The following REC114 variants were observed in gnomAD, a reference collection of about 807,000 sequenced individuals.
The protein encoded by REC114 is REC114 meiotic recombination protein.
A neutral mutation model predicts 31.3 loss-of-function variants in REC114; 27 were observed. The observed-to-expected ratio is 0.86, with a 90% CI of 0.64 to 1.19. The LOEUF (loss-of-function observed/expected upper bound fraction) is 1.19. Among genes scored for constraint, REC114 ranks in the 50% most tolerant of loss-of-function variants. The probability of loss-of-function intolerance (pLI) is 0.00; values close to 1 mark genes in which losing one functional copy is unlikely to be tolerated. For synonymous variants in REC114, 134 were observed against 127.7 expected, an observed-to-expected ratio of 1.05 and a Z score of -0.33; for missense variants, 344 against 326.9, an observed-to-expected ratio of 1.05 and a Z score of -0.40.
chr15:73,449,664 C>T lies in REC114; in HGVS notation c.159+6320C>T, dbSNP rs148662091. Among the ~76,000 whole-genome samples the T allele has an allele frequency of 2.7e-3, 418 of 152,138 alleles. 2 individuals carry two copies. Among genetic ancestry groups the T allele is most frequent in the African/African-American group, 9.5e-3 (394 of 41,510 alleles). ...CAGAGAACACCAGAAAGATACTCCT[C>T]GAGAAGGGCAACCCTAAGACATATA... On this transcript the variant is annotated intron_variant, in intron 1 of 5. Transcript: ENST00000331090.
chr15:73,555,342 G>A (rs376636075), intron 4 of REC114, among the ~76,000 whole-genome samples: 1 of 152,114 alleles, frequency 6.6e-6, no homozygotes, highest in Non-Finnish European at 1.5e-5. Context: ...GGTACCCAAG[G>A]CATATTGGGG....
chr15:73,540,609 T>C, intron 3 of REC114, 41 bp downstream of exon 3: 1 of 1,535,982 alleles, frequency 6.5e-7, no homozygotes, highest in Non-Finnish European at 9.0e-7. Flanking sequence ...TCATCTTCTA[T>C]GTGTGTATGT....
intron 1 of REC114, among the ~76,000 whole-genome samples, chr15:73,465,826 A>G (rs1254547467): frequency 6.6e-6 from 1 of 152,074 alleles, no homozygotes; most frequent in Non-Finnish European, 1.5e-5. Flanking sequence ...TATTTAGCCC[A>G]TTGTTTTTAT....
intron 4 of REC114, among the ~76,000 whole-genome samples, chr15:73,555,541 C>G (rs1162894112): frequency 6.6e-6 from 1 of 152,110 alleles, no homozygotes; most frequent in African/African-American, 2.4e-5. Context: ...GCATACAGCC[C>G]TCCAGTTTAC....
chr15:73,474,148 A>G (rs916599972), intron 2 of REC114, among the ~76,000 whole-genome samples: 1 of 152,196 alleles, frequency 6.6e-6, no homozygotes, highest in East Asian at 1.9e-4. Flanking sequence ...GGATCAAAAG[A>G]TTGAAATTAA....
intron 3 of REC114, among the ~76,000 whole-genome samples, chr15:73,542,440 G>T (rs987780792): frequency 2.0e-5 from 3 of 151,912 alleles, no homozygotes; most frequent in Non-Finnish European, 4.4e-5. Context: ...TAATTCTCCT[G>T]GCCTCTCCCT....
intron 2 of REC114, among the ~76,000 whole-genome samples, chr15:73,474,520 A>C (rs1326429511): frequency 6.6e-6 from 1 of 152,242 alleles, no homozygotes; most frequent in Non-Finnish European, 1.5e-5. Flanking sequence ...GGAATTGTAC[A>C]AGAAAGGAAC....
chr15:73,534,170 C>G (rs1894123716), intron 2 of REC114, among the ~76,000 whole-genome samples: 1 of 150,564 alleles, frequency 6.6e-6, no homozygotes, highest in Non-Finnish European at 1.5e-5. Context: ...TAGCAGAAGG[C>G]AAGAAATAAC....
At chr15:73,540,875 G>T (rs1440084882) in intron 3 of REC114, among the ~76,000 whole-genome samples, 2 of 152,046 alleles carry the variant, frequency 1.3e-5, no homozygotes, top group Non-Finnish European at 2.9e-5. Flanking sequence ...TTGCGATTTG[G>T]ATGTTTAAAA....
chr15:73,554,418 A>G lies in REC114; in HGVS notation c.547-1884A>G, dbSNP rs550435240. On this transcript the variant is annotated intron_variant, in intron 4 of 5. Coordinates refer to ENST00000331090, the MANE Select transcript of REC114 (RefSeq NM_001042367.2). The stretch of plus-strand genomic sequence containing the variant: ...CAGGTGTGTCATTTTTGTAGTACCT[A>G]TATATTTTTTAGTATAAAATAGTTA... 2.0e-5 allele frequency among the ~76,000 whole-genome samples: 3 copies of G among 152,344 alleles called. No individual in the cohort carries two copies. The South Asian group carries it at 6.2e-4, about 32-fold the overall frequency.
chr15:73,536,777 T>G (rs1371218718), intron 2 of REC114, among the ~76,000 whole-genome samples: 1 of 152,240 alleles, frequency 6.6e-6, no homozygotes, highest in Non-Finnish European at 1.5e-5. Flanking sequence ...AGTAAGATGT[T>G]CTATATCATT....
chr15:73,524,819 G>C (rs1893984664), intron 2 of REC114, among the ~76,000 whole-genome samples: 1 of 152,144 alleles, frequency 6.6e-6, no homozygotes, highest in Non-Finnish European at 1.5e-5. Context: ...GACTGGTCTT[G>C]AACTCCTGGC....
chr15:73,475,594 AC>A (rs1055023752), intron 2 of REC114, among the ~76,000 whole-genome samples: 21 of 152,334 alleles, frequency 1.4e-4, no homozygotes, highest in African/African-American at 5.1e-4. Context: ...TTATTGTAAA[AC>A]AGTCCAAATG....
chr15:73,467,048 T>C (rs1385084314), intron 1 of REC114, among the ~76,000 whole-genome samples: 1 of 152,238 alleles, frequency 6.6e-6, no homozygotes, highest in East Asian at 1.9e-4. Context: ...GAAACAAGTG[T>C]ATGTGCCTAA....
chr15:73,472,845 T>G (rs1010143865), intron 1 of REC114, among the ~76,000 whole-genome samples: 1 of 152,088 alleles, frequency 6.6e-6, no homozygotes, highest in Non-Finnish European at 1.5e-5. Context: ...AGGTTCAAGA[T>G]GAATAAAGGG....
At chr15:73,504,168 A>G (rs1260328107) in intron 2 of REC114, among the ~76,000 whole-genome samples, 2 of 151,632 alleles carry the variant, frequency 1.3e-5, no homozygotes, top group Non-Finnish European at 2.9e-5. Context: ...CACCATGCCC[A>G]GCTAATTTTT....
intron 2 of REC114, among the ~76,000 whole-genome samples, chr15:73,538,994 G>A (rs1191367757): frequency 6.6e-6 from 1 of 151,466 alleles, no homozygotes; most frequent in African/African-American, 2.4e-5. Flanking sequence ...CATTGGGATT[G>A]CTGGGTCCAA....
intron 1 of REC114, among the ~76,000 whole-genome samples, chr15:73,464,070 T>A (rs763698379): frequency 5.1e-4 from 78 of 152,018 alleles, no homozygotes; most frequent in Non-Finnish European, 8.1e-4. Flanking sequence ...TTCCTCAGTC[T>A]TTTTTTCTCC....
intron 5 of REC114, among the ~76,000 whole-genome samples, chr15:73,559,344 G>C (rs1160097255): frequency 6.6e-6 from 1 of 152,204 alleles, no homozygotes; most frequent in Non-Finnish European, 1.5e-5. Context: ...ATAGTAGGCT[G>C]CTCACATCCA....
Sources: allele counts gnomAD v4.1 joint callset (sites outside exome capture counted in the v4.1 genomes callset), GRCh38; gene constraint gnomAD v4.1.1; transcripts MANE v1.5; gene names NCBI Gene and HGNC (gene_info 2026-07-23, HGNC 2026-07-21).